TENM4: variants seen among roughly 807,000 people sequenced by gnomAD.
The protein encoded by TENM4 is teneurin-4.
In TENM4, 82 loss-of-function variants were observed where a neutral mutation model predicts 243.3. The ratio of observed to expected loss-of-function variants is 0.34; its 90% CI spans 0.28 to 0.40. TENM4 has a LOEUF of 0.40. Ranked by LOEUF, TENM4 falls within the 10% of genes least tolerant of loss-of-function variation. The pLI is 1.00. For missense variants in TENM4, 3,138 were observed against 3,673.3 expected (o/e 0.85, Z 3.77); for synonymous variants, 1,412 against 1,456.3 (o/e 0.97, Z 0.69).
intron 4 of TENM4, among the ~76,000 whole-genome samples, chr11:79,132,243 G>A (rs948461256): frequency 2.8e-4 from 42 of 149,144 alleles, no homozygotes; most frequent in African/African-American, 1.0e-3. Flanking sequence ...CTACTCAGGA[G>A]GCTGAGGCAG....
chr11:79,344,321 C>G (rs559612280), intron 1 of TENM4, among the ~76,000 whole-genome samples: 1 of 152,138 alleles, frequency 6.6e-6, no homozygotes. Flanking sequence ...GAAGATACGT[C>G]TCTTCCCTAT....
At chr11:78,779,789 A>G (rs1366298917) in intron 16 of TENM4, among the ~76,000 whole-genome samples, 2 of 152,232 alleles carry the variant, frequency 1.3e-5, no homozygotes, top group Non-Finnish European at 2.9e-5. Flanking sequence ...ACAGGACCGG[A>G]CTGCAACGGT....
chr11:78,800,803 T>C (rs1425530929), intron 15 of TENM4, among the ~76,000 whole-genome samples: 2 of 151,794 alleles, frequency 1.3e-5, no homozygotes, highest in Non-Finnish European at 2.9e-5. Context: ...ACATAGTGTT[T>C]AGGAGAGACC....
At chr11:79,309,657 T>C (rs1372045087) in intron 1 of TENM4, among the ~76,000 whole-genome samples, 3 of 152,222 alleles carry the variant, frequency 2.0e-5, no homozygotes, top group Non-Finnish European at 1.5e-5. Context: ...GTCGGCTTCA[T>C]ACTGAGTTGC....
chr11:78,886,700 T>C (rs1855556003), intron 9 of TENM4, among the ~76,000 whole-genome samples: 1 of 152,238 alleles, frequency 6.6e-6, no homozygotes, highest in South Asian at 2.1e-4. Context: ...AACACCTTGC[T>C]GACTCTCCAG....
At chr11:78,736,483 C>CGT (rs1555073153) in intron 20 of TENM4, among the ~76,000 whole-genome samples, 1 of 132,478 alleles carries the variant, frequency 7.5e-6, no homozygotes, top group African/African-American at 3.5e-5. Flanking sequence ...TGTGTGTGCG[C>CGT]GCGCGTGCAT....
chr11:79,215,234 GT>G (rs1301488413), intron 3 of TENM4, among the ~76,000 whole-genome samples: 1 of 152,018 alleles, frequency 6.6e-6, no homozygotes, highest in African/African-American at 2.4e-5. Flanking sequence ...GTTTCCTGCT[GT>G]TTTTTTCATT....
At chr11:78,838,849 C>T (rs571578731) in intron 12 of TENM4, among the ~76,000 whole-genome samples, 1 of 152,260 alleles carries the variant, frequency 6.6e-6, no homozygotes, top group East Asian at 1.9e-4. Context: ...GGCTAAAACT[C>T]CTTCTCTGTG....
rs1857754660 is a variant in TENM4 at position 78,822,486 on chromosome 11, T to C, written c.1682-8091A>G. 2.0e-5 allele frequency among the ~76,000 whole-genome samples: 3 copies of C among 152,100 alleles called. No homozygotes were observed. In the South Asian group the frequency reaches 6.2e-4, roughly 32 times the overall value. ...GTCAGGACTTAGAAAATGATACATA[T>C]AGATGAAAAAGCTGAGAAAAGAATC... On this transcript the variant is annotated intron_variant, in intron 12 of 33. Coordinates refer to ENST00000278550, the MANE Select transcript of TENM4 (RefSeq NM_001098816.3).
At chr11:79,188,950 G>T (rs1359365497) in intron 3 of TENM4, among the ~76,000 whole-genome samples, 3 of 152,154 alleles carry the variant, frequency 2.0e-5, no homozygotes, top group African/African-American at 7.2e-5. Context: ...GGAACCTAAG[G>T]AATTCCTAGT....
rs1183244617 is a variant in TENM4, at chr11:79,064,790, C to T, written c.441G>A (p.Arg147=). 2 of 1,551,488 alleles carry T rather than the reference C, an allele frequency of 1.3e-6. No homozygotes were observed. Among genetic ancestry groups the T allele is most frequent in the African/African-American group, 2.7e-5 (2 of 73,000 alleles). The change falls in exon 6 of 34, where the codon CGG becomes CGA. Residue 147 remains arginine (R), a synonymous_variant. Transcript: ENST00000278550. ...CGGTGAGTGTGAGATTGGAATTGGC[C>T]CGGCTGGACAGGCAGGAGCTGCGCC... ...RSGRSSCLSS[R]ANSNLTLTDT...
intron 15 of TENM4, among the ~76,000 whole-genome samples, chr11:78,799,754 A>G (rs1857242447): frequency 6.6e-6 from 1 of 152,240 alleles, no homozygotes; most frequent in South Asian, 2.1e-4. Flanking sequence ...CTCAATTGCA[A>G]TCAAATGATA....
chr11:78,955,388 T>A (rs1202129369), intron 6 of TENM4, among the ~76,000 whole-genome samples: 1 of 152,122 alleles, frequency 6.6e-6, no homozygotes, highest in Non-Finnish European at 1.5e-5. Context: ...GGCCCTAAAG[T>A]GTCAGGAGAT....
chr11:79,228,783 G>A (rs1371801298), intron 2 of TENM4, among the ~76,000 whole-genome samples: 2 of 152,108 alleles, frequency 1.3e-5, no homozygotes. Context: ...CGATAGCACA[G>A]ACCTGCTATA....
intron 3 of TENM4, among the ~76,000 whole-genome samples, chr11:79,196,041 C>A (rs1050909539): frequency 2.6e-5 from 4 of 152,116 alleles, no homozygotes; most frequent in Non-Finnish European, 5.9e-5. Context: ...TCAGGGGTTT[C>A]CATTTTTGCT....
At chr11:78,912,546 G>C (rs986309813) in intron 6 of TENM4, among the ~76,000 whole-genome samples, 1 of 152,180 alleles carries the variant, frequency 6.6e-6, no homozygotes, top group Non-Finnish European at 1.5e-5. Context: ...GTGAGCCACC[G>C]CGCCTAGCCG....
At chr11:78,700,166 G>A (rs1859069850) in intron 28 of TENM4, among the ~76,000 whole-genome samples, 1 of 152,176 alleles carries the variant, frequency 6.6e-6, no homozygotes, top group African/African-American at 2.4e-5. Flanking sequence ...GATCAAGCTT[G>A]AGAAAAACTT....
At chr11:79,010,604 T>G (rs1858620247) in intron 6 of TENM4, among the ~76,000 whole-genome samples, 1 of 152,124 alleles carries the variant, frequency 6.6e-6, no homozygotes, top group African/African-American at 2.4e-5. Context: ...ACATCTTACA[T>G]GGATGGTAGC....
intron 1 of TENM4, among the ~76,000 whole-genome samples, chr11:79,347,375 C>G (rs575114590): frequency 2.6e-5 from 4 of 152,184 alleles, no homozygotes; most frequent in Non-Finnish European, 5.9e-5. Context: ...ATTCAAGGAA[C>G]TCCTAATAGG....
Sources: gnomAD v4.1 joint callset for allele counts (sites outside exome capture counted in the v4.1 genomes callset) on GRCh38, gnomAD v4.1.1 for gene constraint, MANE v1.5 for transcripts, NCBI Gene and HGNC (gene_info 2026-07-23, HGNC 2026-07-21) for gene names.